PPP4R3A: variants seen among roughly 807,000 people sequenced by gnomAD.
The protein encoded by PPP4R3A is serine/threonine-protein phosphatase 4 regulatory subunit 3A.
PPP4R3A carries 15 observed loss-of-function variants against 91.7 expected under a neutral mutation model. The observed-to-expected ratio is 0.16, with a 90% CI of 0.11 to 0.25. The LOEUF (loss-of-function observed/expected upper bound fraction) is 0.25, where lower values mean the gene tolerates loss of function less well. Among genes scored for constraint, PPP4R3A ranks in the 10% least tolerant of loss-of-function variants. The probability of loss-of-function intolerance (pLI) is 1.00; values close to 1 mark genes in which losing one functional copy is unlikely to be tolerated. For synonymous variants in PPP4R3A, 377 were observed against 348.7 expected, an observed-to-expected ratio of 1.08 and a Z score of -0.91; for missense variants, 623 against 998.4, an observed-to-expected ratio of 0.62 and a Z score of 5.07.
At chr14:91,468,180 C>T (rs1006001523) in intron 10 of PPP4R3A, among the ~76,000 whole-genome samples, 16 of 152,132 alleles carry the variant, frequency 1.1e-4, no homozygotes, top group Non-Finnish European at 1.9e-4. Context: ...AAAATATCAA[C>T]AATGAAACAT....
In PPP4R3A at chr14:91,481,759, G is replaced by C. The variant is rs1217891944; in HGVS notation, c.732C>G (p.Ala244=). The C allele has an allele frequency of 6.2e-7, 1 of 1,613,562 alleles. No individual in the cohort carries two copies. Among genetic ancestry groups the C allele is most frequent in the Admixed American group, 1.7e-5 (1 of 59,884 alleles). Residue 244 remains alanine (A), a synonymous_variant, in exon 4 of 15, where the codon GCC becomes GCG. Transcript: ENST00000554943. The part of the protein sequence containing the change: ...RKHREFLTKT[A]KFKEVIPISD... ...ATATGGGAATCACTTCTTTAAACTT[G>C]GCTGTTTTTGTTAGAAATTCCCTGT...
At chr14:91,507,889 AGGCG>A (rs1891512208) in intron 1 of PPP4R3A, among the ~76,000 whole-genome samples, 1 of 152,050 alleles carries the variant, frequency 6.6e-6, no homozygotes, top group African/African-American at 2.4e-5. Flanking sequence ...CGGGAGGCCG[AGGCG>A]GGTGGACTGC....
chr14:91,485,466 G>A (rs1889826080), intron 3 of PPP4R3A, among the ~76,000 whole-genome samples, 166 bp downstream of exon 3: 1 of 152,222 alleles, frequency 6.6e-6, no homozygotes, highest in Non-Finnish European at 1.5e-5. Flanking sequence ...GAGCTAGAGA[G>A]TTTAGTGTCA....
chr14:91,507,447 T>C (rs71415453), intron 1 of PPP4R3A, among the ~76,000 whole-genome samples: 8,440 of 110,700 alleles, frequency 0.076, 588 homozygotes, highest in Middle Eastern at 0.19. Context: ...ATATATACTA[T>C]ATAGTATATA....
At chr14:91,470,188 A>G (rs1269143565) in intron 10 of PPP4R3A, among the ~76,000 whole-genome samples, 1 of 152,168 alleles carries the variant, frequency 6.6e-6, no homozygotes, top group Non-Finnish European at 1.5e-5. Flanking sequence ...CCACTTACAT[A>G]TGGCAACTCA....
At chr14:91,468,074 T>A (rs1438964460) in intron 10 of PPP4R3A, among the ~76,000 whole-genome samples, 1 of 152,182 alleles carries the variant, frequency 6.6e-6, no homozygotes, top group East Asian at 1.9e-4. Context: ...ACATCTTTGT[T>A]AGGAAGATAC....
Position 91,459,832 on chromosome 14 carries a change from C to CA in PPP4R3A, c.2392-964dup, listed in dbSNP as rs60665582. Among the ~76,000 whole-genome samples the CA allele has an allele frequency of 6.2e-3, 863 of 138,456 alleles. 8 individuals carry two copies. The highest frequency in any genetic ancestry group is 0.018 in the African/African-American group (662 of 37,494). The allele number at this position is 138,456 out of a possible 152,430, so 90.8% of individuals were successfully genotyped here. On this transcript the variant is annotated intron_variant, in intron 14 of 14. Transcript: ENST00000554943. The stretch of plus-strand genomic sequence containing the variant: ...CCTGGGTGACAGACTGAGACTCTGT[C>CA]AAAAAAAAAAAAAAGTACCAAAATG...
intron 5 of PPP4R3A, 150 bp downstream of exon 5, chr14:91,476,759 G>C (rs555362094): frequency 4.0e-5 from 28 of 694,840 alleles, no homozygotes; most frequent in Non-Finnish European, 6.2e-5. Context: ...TAGAGATGGG[G>C]TTTCGCCATG....
chr14:91,499,685 G>A (rs1422171477), intron 1 of PPP4R3A, among the ~76,000 whole-genome samples: 2 of 151,962 alleles, frequency 1.3e-5, no homozygotes, highest in Non-Finnish European at 2.9e-5. Flanking sequence ...GCTGGGCATG[G>A]TGGTGCGTGC....
At chr14:91,471,382 G>A (rs1471177372) in intron 9 of PPP4R3A, among the ~76,000 whole-genome samples, 7 of 152,272 alleles carry the variant, frequency 4.6e-5, no homozygotes, top group South Asian at 2.1e-4. Context: ...GCCAGACACC[G>A]TGTCATCTTT....
intron 1 of PPP4R3A, among the ~76,000 whole-genome samples, chr14:91,501,519 T>A (rs1270710181): frequency 6.6e-6 from 1 of 152,060 alleles, no homozygotes; most frequent in African/African-American, 2.4e-5. Flanking sequence ...TAGCCAGGTA[T>A]GGTGGTGTAC....
intron 1 of PPP4R3A, among the ~76,000 whole-genome samples, chr14:91,508,599 A>G (rs1435221905): frequency 6.6e-6 from 1 of 152,238 alleles, no homozygotes; most frequent in Non-Finnish European, 1.5e-5. Flanking sequence ...ATCGCCAAAA[A>G]CAGTGGCAAT....
At chr14:91,493,115 G>A (rs1313918668) in intron 1 of PPP4R3A, among the ~76,000 whole-genome samples, 4 of 152,160 alleles carry the variant, frequency 2.6e-5, no homozygotes, top group African/African-American at 4.8e-5. Context: ...TAGGCTGGGC[G>A]TGGTGGCTCA....
chr14:91,475,790 A>G (rs758541468), intron 7 of PPP4R3A, 21 bp downstream of exon 7: 1 of 1,592,776 alleles, frequency 6.3e-7, no homozygotes, highest in East Asian at 2.2e-5. Context: ...AATACTTACT[A>G]TTAGTACAAA....
chr14:91,497,368 A>G (rs890128401), intron 1 of PPP4R3A, among the ~76,000 whole-genome samples: 1 of 103,046 alleles, frequency 9.7e-6, no homozygotes, highest in Non-Finnish European at 2.0e-5. Context: ...ACACACACAC[A>G]CACACACACA....
chr14:91,477,771 C>A (rs910068392), intron 4 of PPP4R3A, among the ~76,000 whole-genome samples: 1 of 152,202 alleles, frequency 6.6e-6, no homozygotes, highest in Non-Finnish European at 1.5e-5. Flanking sequence ...GTCTCAGTCT[C>A]CTTAGCAGCT....
At chr14:91,491,108 T>G (rs1437779868) in intron 1 of PPP4R3A, among the ~76,000 whole-genome samples, 1 of 151,978 alleles carries the variant, frequency 6.6e-6, no homozygotes, top group African/African-American at 2.4e-5. Context: ...GGTTTCACCA[T>G]GTTGGTCAGG....
chr14:91,467,057 CTTCCAGAGCACTTCT>C (rs1169723507), intron 10 of PPP4R3A, among the ~76,000 whole-genome samples: 2 of 152,288 alleles, frequency 1.3e-5, no homozygotes, highest in East Asian at 3.9e-4. Flanking sequence ...CACTGCACTT[CTTCCAGAGCACTTCT>C]ATCCAGAAAC....
intron 1 of PPP4R3A, among the ~76,000 whole-genome samples, chr14:91,501,322 T>C (rs8014321): frequency 0.49 from 74,644 of 151,950 alleles, 18,668 homozygotes; most frequent in Admixed American, 0.53. Flanking sequence ...TACACCCTTG[T>C]CACTCCTAAG....
Sources: gnomAD v4.1 joint callset for allele counts (sites outside exome capture counted in the v4.1 genomes callset) on GRCh38, gnomAD v4.1.1 for gene constraint, MANE v1.5 for transcripts, NCBI Gene and HGNC (gene_info 2026-07-23, HGNC 2026-07-21) for gene names.